ITGA9: variants seen among roughly 807,000 people sequenced by gnomAD.
ITGA9 encodes the protein integrin alpha-9.
A neutral mutation model predicts 127.8 loss-of-function variants in ITGA9; 56 were observed. The ratio of observed to expected loss-of-function variants is 0.44; its 90% CI spans 0.35 to 0.55. The LOEUF (loss-of-function observed/expected upper bound fraction) is 0.55. ITGA9 is among the 20% of genes least tolerant of loss of function. ITGA9 has a pLI of 0.00. For synonymous variants in ITGA9, 508 were observed against 514.5 expected (o/e 0.99, Z 0.17); for missense variants, 1,196 against 1,347.1 (o/e 0.89, Z 1.76).
At chr3:37,700,714 G>T (rs1205745294) in intron 18 of ITGA9, among the ~76,000 whole-genome samples, 1 of 152,154 alleles carries the variant, frequency 6.6e-6, no homozygotes. Flanking sequence ...TGTGTGGTAG[G>T]ATCTCAATCT....
chr3:37,517,581 G>A lies in ITGA9; in HGVS notation c.1113G>A (p.Leu371=). 1 of 1,589,732 alleles carries A rather than the reference G, an allele frequency of 6.3e-7. No individual in the cohort carries two copies. Among genetic ancestry groups the A allele is most frequent in the Non-Finnish European group, 8.6e-7 (1 of 1,167,568 alleles). ...ACTTTGGAGAGAGCATTGCCAGCCT[G>A]GACGATCTGGACAATGATGGGTTCC... ...NAHFGESIAS[L]DDLDNDGFPD... is the part of the protein sequence containing the mutation. The change falls in exon 10 of 28, where the codon CTG becomes CTA. Residue 371 remains leucine (L), a synonymous_variant. Transcript: ENST00000264741.
At chr3:37,542,703 G>A in intron 15 of ITGA9, 118 bp downstream of exon 15, 3 of 1,007,276 alleles carry the variant, frequency 3.0e-6, no homozygotes, top group Non-Finnish European at 4.6e-6. Flanking sequence ...TTATTTCACA[G>A]GGAGGAGCAT....
At chr3:37,494,298 T>G (rs1022437337) in intron 4 of ITGA9, among the ~76,000 whole-genome samples, 3 of 152,196 alleles carry the variant, frequency 2.0e-5, no homozygotes, top group Non-Finnish European at 4.4e-5. Context: ...GCAGCCTCCC[T>G]TCCCGATGGC....
intron 15 of ITGA9, among the ~76,000 whole-genome samples, chr3:37,626,913 T>C (rs1016544685): frequency 1.3e-4 from 20 of 152,208 alleles, no homozygotes; most frequent in Admixed American, 1.2e-3. Context: ...ATAGTCAGCC[T>C]TAGGGAAACA....
intron 1 of ITGA9, among the ~76,000 whole-genome samples, chr3:37,453,296 C>T (rs1311551591): frequency 6.6e-6 from 1 of 152,230 alleles, no homozygotes; most frequent in Non-Finnish European, 1.5e-5. Context: ...CGGAGACCTT[C>T]ACCAGAAGCC....
intron 18 of ITGA9, among the ~76,000 whole-genome samples, chr3:37,704,253 C>T (rs1409516091): frequency 6.6e-6 from 1 of 152,126 alleles, no homozygotes; most frequent in African/African-American, 2.4e-5. Context: ...GCTTTTCCTT[C>T]AGTACCCAAG....
At chr3:37,651,682 C>T (rs553185515) in intron 16 of ITGA9, among the ~76,000 whole-genome samples, 3 of 152,214 alleles carry the variant, frequency 2.0e-5, no homozygotes, top group South Asian at 2.1e-4. Context: ...TGAGAGCTCA[C>T]GATGGGCCTG....
chr3:37,737,311 C>T lies in ITGA9; in HGVS notation c.2234+328C>T, dbSNP rs568622520. Among the ~76,000 whole-genome samples, 4 of 152,310 alleles carry T rather than the reference C, an allele frequency of 2.6e-5. No individual in the cohort carries two copies. The East Asian group carries it at 7.7e-4, about 29-fold the overall frequency. ...AGTTCCCACTTGGCTGTGTATTTCC[C>T]AGATCAGACAGATGTCCTCTGCAAA... On this transcript the variant is annotated intron_variant, in intron 20 of 27. Coordinates refer to ENST00000264741, the MANE Select transcript of ITGA9 (RefSeq NM_002207.3).
intron 19 of ITGA9, among the ~76,000 whole-genome samples, chr3:37,735,892 A>G (rs1157076891): frequency 2.0e-5 from 3 of 152,216 alleles, no homozygotes; most frequent in Non-Finnish European, 1.5e-5. Context: ...TCAGTCATCT[A>G]TAACAAATTA....
Position 37,820,894 on chromosome 3 carries a change from T to C in ITGA9, c.*1905T>C, listed in dbSNP as rs1226929595. 1 of 152,222 alleles carries C rather than the reference T, an allele frequency of 6.6e-6. No homozygotes were observed. Among genetic ancestry groups the C allele is most frequent in the Non-Finnish European group, 1.5e-5 (1 of 68,034 alleles). 9.4% of individuals were successfully genotyped at this position (152,222 alleles called of 1,614,324 possible). A position where few individuals can be genotyped will look rare whatever the true frequency, so the allele number is the denominator to read the frequency against. Reference sequence around the variant, plus strand: ...ACACGTTGGGAGTCCGTGAACATTGTCAAAAAGACATCAAACTCAACTTCT... The same window carrying C: ...ACACGTTGGGAGTCCGTGAACATTGCCAAAAAGACATCAAACTCAACTTCT... On this transcript the variant is annotated 3_prime_UTR_variant, in exon 28 of 28. Coordinates refer to ENST00000264741, the MANE Select transcript of ITGA9 (RefSeq NM_002207.3).
At chr3:37,492,354 A>G (rs988872296) in intron 4 of ITGA9, among the ~76,000 whole-genome samples, 11 of 152,252 alleles carry the variant, frequency 7.2e-5, no homozygotes, top group African/African-American at 2.2e-4. Flanking sequence ...GGGCAGTCCC[A>G]GCTTGGGAAG....
rs1487659475 is a variant in ITGA9 at position 37,474,288 on chromosome 3, A to G, written c.420+828A>G. On this transcript the variant is annotated intron_variant, in intron 3 of 27. Transcript: ENST00000264741. ...TTAAACTTAAATTTATCCAAATTAA[A>G]CTAGAAATTCAGGTTTTTAGTCATA... 3.3e-5 allele frequency among the ~76,000 whole-genome samples: 5 copies of G among 152,318 alleles called. No individual in the cohort carries two copies. The East Asian group carries it at 9.6e-4, about 29-fold the overall frequency.
At chr3:37,516,434 G>A (rs1321908648) in intron 9 of ITGA9, among the ~76,000 whole-genome samples, 1 of 152,136 alleles carries the variant, frequency 6.6e-6, no homozygotes, top group Non-Finnish European at 1.5e-5. Flanking sequence ...TAAAGTGAGA[G>A]GCATCATAAG....
intron 1 of ITGA9, among the ~76,000 whole-genome samples, chr3:37,460,144 T>A (rs1698301192): frequency 6.6e-6 from 1 of 152,160 alleles, no homozygotes; most frequent in South Asian, 2.1e-4. Context: ...CTCCCACCAC[T>A]TATTTAGGAA....
intron 18 of ITGA9, among the ~76,000 whole-genome samples, chr3:37,695,332 G>A (rs183994573): frequency 6.6e-6 from 1 of 152,270 alleles, no homozygotes; most frequent in East Asian, 1.9e-4. Context: ...AGGAGCATTG[G>A]GTGGGGCATT....
At chr3:37,502,960 C>T (rs1009828054) in intron 5 of ITGA9, among the ~76,000 whole-genome samples, 2 of 152,178 alleles carry the variant, frequency 1.3e-5, no homozygotes, top group Non-Finnish European at 2.9e-5. Context: ...TGTCACCTTG[C>T]TCAGTCTCTT....
At position 37,592,619 on chromosome 3, in the gene ITGA9, G is replaced by A. The variant is rs536024696; in HGVS notation, c.1690-36568G>A. Among the ~76,000 whole-genome samples the A allele has an allele frequency of 1.2e-4, 19 of 152,310 alleles. 1 individual carries two copies. The South Asian group carries it at 3.9e-3, about 32-fold the overall frequency. Reference sequence around the variant, plus strand: ...ACTCCACATATCAGTGGTAGGAGATGGAGAGGAGGGGGTGTACTTGGGAAA... The same window carrying A: ...ACTCCACATATCAGTGGTAGGAGATAGAGAGGAGGGGGTGTACTTGGGAAA... On this transcript the variant is annotated intron_variant, in intron 15 of 27. Coordinates refer to ENST00000264741, the MANE Select transcript of ITGA9 (RefSeq NM_002207.3).
chr3:37,481,385 T>C (rs973624595), intron 3 of ITGA9, 99 bp from the exon 4 acceptor site: 1 of 1,516,782 alleles, frequency 6.6e-7, no homozygotes, highest in Non-Finnish European at 9.1e-7. Flanking sequence ...TCTGCTCCTC[T>C]CTTCTCCCAC....
chr3:37,793,367 C>T (rs1200185448), intron 26 of ITGA9, among the ~76,000 whole-genome samples: 2 of 149,806 alleles, frequency 1.3e-5, no homozygotes, highest in Non-Finnish European at 3.0e-5. Context: ...ACCCTCAAGA[C>T]TTCCACAGCC....
Sources: gnomAD v4.1 joint callset for allele counts (sites outside exome capture counted in the v4.1 genomes callset) on GRCh38, gnomAD v4.1.1 for gene constraint, MANE v1.5 for transcripts, NCBI Gene and HGNC (gene_info 2026-07-23, HGNC 2026-07-21) for gene names.